Variants in MACROD2 observed in about 807,000 individuals in gnomAD.
MACROD2 encodes mono-ADP ribosylhydrolase 2.
Under a neutral mutation model 70.4 loss-of-function variants are expected in MACROD2, and 36 were observed. The ratio of observed to expected loss-of-function variants is 0.51; its 90% CI spans 0.39 to 0.68. MACROD2 has a LOEUF of 0.68. MACROD2 is among the 30% of genes least tolerant of loss of function. MACROD2 has a pLI of 0.00. For missense variants in MACROD2, 496 were observed against 538.4 expected (o/e 0.92, Z 0.78); for synonymous variants, 172 against 178.8 (o/e 0.96, Z 0.30).
intron 3 of MACROD2, among the ~76,000 whole-genome samples, chr20:14,162,933 A>G (rs1232153791): frequency 2.6e-5 from 4 of 151,862 alleles, no homozygotes; most frequent in Admixed American, 6.6e-5. Flanking sequence ...AGTCATTGTT[A>G]TTTATATTCT....
At chr20:14,886,202 G>A (rs1257936787) in intron 5 of MACROD2, among the ~76,000 whole-genome samples, 1 of 152,086 alleles carries the variant, frequency 6.6e-6, no homozygotes, top group Non-Finnish European at 1.5e-5. Flanking sequence ...GAAGTGAGGG[G>A]TCTAGCTATG....
intron 8 of MACROD2, among the ~76,000 whole-genome samples, chr20:15,547,209 A>G (rs2048036762): frequency 6.6e-6 from 1 of 152,170 alleles, no homozygotes; most frequent in East Asian, 1.9e-4. Context: ...TCCATCATGG[A>G]TATTCTGACT....
At chr20:15,602,904 A>C (rs916523559) in intron 8 of MACROD2, among the ~76,000 whole-genome samples, 1 of 150,480 alleles carries the variant, frequency 6.6e-6, no homozygotes, top group Non-Finnish European at 1.5e-5. Flanking sequence ...GTTTTTTTTT[A>C]ATATGTCCCA....
intron 4 of MACROD2, among the ~76,000 whole-genome samples, chr20:14,621,484 A>G (rs1040356967): frequency 3.3e-5 from 5 of 152,184 alleles, no homozygotes; most frequent in African/African-American, 7.2e-5. Flanking sequence ...GTATCAATCA[A>G]TTCTTTAAAA....
chr20:15,304,928 C>A (rs1469653620), intron 6 of MACROD2, among the ~76,000 whole-genome samples: 6 of 152,330 alleles, frequency 3.9e-5, no homozygotes, highest in African/African-American at 1.4e-4. Context: ...ATTTGCTTTG[C>A]TGAAAAATCC....
In MACROD2 at chr20:14,736,350, G is replaced by C. The variant is rs1478414631; in HGVS notation, c.418+51391G>C. Among the ~76,000 whole-genome samples, 5 of 152,256 alleles carry C rather than the reference G, an allele frequency of 3.3e-5. No individual in the cohort carries two copies. The East Asian group carries it at 9.6e-4, about 29-fold the overall frequency. ...CAGGAGTGGGGAGTGATTGCTTAAT[G>C]GGTATGGGATTTCCTTTTGGAGTGA... is the stretch of plus-strand genomic sequence containing the variant. On this transcript the variant is annotated intron_variant, in intron 5 of 17. Transcript: ENST00000684519.
At chr20:15,449,984 G>C (rs555642674) in intron 7 of MACROD2, among the ~76,000 whole-genome samples, 1 of 152,126 alleles carries the variant, frequency 6.6e-6, no homozygotes, top group African/African-American at 2.4e-5. Context: ...GACAGAGTGA[G>C]ACTCCGTCTC....
chr20:14,003,749 A>G (rs1322237246), intron 2 of MACROD2: 20 of 440,246 alleles, frequency 4.5e-5, no homozygotes, highest in Non-Finnish European at 9.0e-5. Context: ...GTTGCTCTGT[A>G]AAGACCTTTA....
At chr20:15,949,903 G>A (rs1309401141) in intron 12 of MACROD2, among the ~76,000 whole-genome samples, 1 of 152,088 alleles carries the variant, frequency 6.6e-6, no homozygotes, top group Admixed American at 6.6e-5. Flanking sequence ...AACCAAAAAT[G>A]CATGAAGTCT....
At chr20:15,316,322 A>G (rs577028216) in intron 6 of MACROD2, among the ~76,000 whole-genome samples, 7 of 148,536 alleles carry the variant, frequency 4.7e-5, no homozygotes, top group Middle Eastern at 3.6e-3. Flanking sequence ...ATCTAAAGAT[A>G]AATGTGGGTT....
At chr20:14,664,639 C>CA in intron 4 of MACROD2, among the ~76,000 whole-genome samples, 1 of 152,144 alleles carries the variant, frequency 6.6e-6, no homozygotes, top group East Asian at 1.9e-4. Flanking sequence ...TTATTCCCCT[C>CA]AAAACCAACA....
chr20:15,568,334 G>T (rs1042193351), intron 8 of MACROD2, among the ~76,000 whole-genome samples: 4 of 152,196 alleles, frequency 2.6e-5, no homozygotes, highest in Admixed American at 2.0e-4. Context: ...TTCCTTTCTA[G>T]TTGATGCATT....
chr20:14,967,197 T>G (rs2074645452), intron 5 of MACROD2, among the ~76,000 whole-genome samples: 1 of 152,214 alleles, frequency 6.6e-6, no homozygotes, highest in Non-Finnish European at 1.5e-5. Flanking sequence ...TAGTTTTGTT[T>G]GTTTGTTTGT....
chr20:15,502,724 A>G (rs2047379706), intron 8 of MACROD2, among the ~76,000 whole-genome samples: 1 of 152,166 alleles, frequency 6.6e-6, no homozygotes, highest in Non-Finnish European at 1.5e-5. Context: ...GATGCAGCCA[A>G]TAGGACTAGA....
At position 14,120,538 on chromosome 20, in the gene MACROD2, A is replaced by C. The variant is rs531271527; in HGVS notation, c.271+34810A>C. On this transcript the variant is annotated intron_variant, in intron 3 of 17. Coordinates refer to ENST00000684519, the MANE Select transcript of MACROD2 (RefSeq NM_001351661.2). Reference sequence around the variant, plus strand: ...CATTACTAGGTATATAACCAAAGGAATGTAAATCATTCTACTATAAAGACA... The same window carrying C: ...CATTACTAGGTATATAACCAAAGGACTGTAAATCATTCTACTATAAAGACA... Among the ~76,000 whole-genome samples, 448 of 152,132 alleles carry C rather than the reference A, an allele frequency of 2.9e-3. 2 individuals carry two copies. The highest frequency in any genetic ancestry group is 0.01 in the African/African-American group (422 of 41,516).
chr20:15,791,067 A>C (rs1326111050), intron 8 of MACROD2, among the ~76,000 whole-genome samples: 1 of 151,774 alleles, frequency 6.6e-6, no homozygotes, highest in Non-Finnish European at 1.5e-5. Flanking sequence ...TCTAAAACTC[A>C]CTGATCAATT....
At chr20:14,350,889 A>G (rs2083117147) in intron 3 of MACROD2, among the ~76,000 whole-genome samples, 1 of 152,218 alleles carries the variant, frequency 6.6e-6, no homozygotes, top group South Asian at 2.1e-4. Context: ...GAGGTCTCAG[A>G]TTTCAATCTT....
intron 5 of MACROD2, among the ~76,000 whole-genome samples, chr20:15,220,287 G>A (rs947317287): frequency 1.6e-4 from 24 of 151,876 alleles, no homozygotes; most frequent in African/African-American, 5.8e-4. Flanking sequence ...TGATTATATC[G>A]GGCCAACTTT....
intron 5 of MACROD2, among the ~76,000 whole-genome samples, chr20:15,115,409 A>C (rs1342855875): frequency 2.0e-5 from 3 of 151,890 alleles, no homozygotes; most frequent in Non-Finnish European, 4.4e-5. Flanking sequence ...TTTTTTGTAG[A>C]GATGGGGTCT....
Sources: allele counts gnomAD v4.1 joint callset (sites outside exome capture counted in the v4.1 genomes callset), GRCh38; gene constraint gnomAD v4.1.1; transcripts MANE v1.5; gene names NCBI Gene and HGNC (gene_info 2026-07-23, HGNC 2026-07-21).